The following DIP2C variants were observed in gnomAD, a reference collection of about 807,000 sequenced individuals.
The protein encoded by DIP2C is DIP2 acetate--CoA ligase C (putative), also known as disco-interacting protein 2 homolog C.
In DIP2C, 33 loss-of-function variants were observed where a neutral mutation model predicts 192.4. The observed-to-expected ratio is 0.17, with a 90% CI of 0.13 to 0.23. The LOEUF (loss-of-function observed/expected upper bound fraction) is 0.23, where lower values mean the gene tolerates loss of function less well. DIP2C is among the 10% of genes least tolerant of loss of function. DIP2C has a pLI of 1.00. For synonymous variants in DIP2C, 979 were observed against 864.1 expected (o/e 1.13, Z -2.33); for missense variants, 1,537 against 2,110.1 (o/e 0.73, Z 5.32).
At chr10:592,635 C>G (rs1027670161) in intron 1 of DIP2C, among the ~76,000 whole-genome samples, 4 of 152,048 alleles carry the variant, frequency 2.6e-5, no homozygotes, top group Non-Finnish European at 2.9e-5. Flanking sequence ...AATTAGCAAC[C>G]CTGTTTGGAG....
In DIP2C at chr10:483,999, G is replaced by A. The variant is rs142267576; in HGVS notation, c.157+2460C>T. Among the ~76,000 whole-genome samples, 704 of 152,030 alleles carry A rather than the reference G, an allele frequency of 4.6e-3. 6 individuals carry two copies. The highest frequency in any genetic ancestry group is 0.016 in the African/African-American group (676 of 41,486). On this transcript the variant is annotated intron_variant, in intron 2 of 36. Coordinates refer to ENST00000280886, the MANE Select transcript of DIP2C (RefSeq NM_014974.3). ...GCCTAATTTTTTCTTTTGTAGAGAC[G>A]GGGACTCCCTTTGTTGCCCAGGCTG... is the stretch of plus-strand genomic sequence containing the variant.
At chr10:390,911 C>G in intron 10 of DIP2C, 48 bp from the exon 11 acceptor site, 1 of 1,602,328 alleles carries the variant, frequency 6.2e-7, no homozygotes, top group Non-Finnish European at 8.5e-7. Flanking sequence ...CTGCCCCACT[C>G]CGCCCAGCCT....
At chr10:524,386 G>A (rs1041945259) in intron 1 of DIP2C, among the ~76,000 whole-genome samples, 5 of 152,188 alleles carry the variant, frequency 3.3e-5, no homozygotes, top group African/African-American at 1.2e-4. Context: ...TGGTCATCAA[G>A]TAAAATCAGT....
At chr10:604,776 G>A (rs548840068) in intron 1 of DIP2C, among the ~76,000 whole-genome samples, 12 of 152,196 alleles carry the variant, frequency 7.9e-5, no homozygotes, top group Non-Finnish European at 1.5e-4. Context: ...TTAATTTAGG[G>A]GGTTTGCCTA....
intron 1 of DIP2C, among the ~76,000 whole-genome samples, chr10:515,208 T>C (rs1006011731): frequency 5.3e-5 from 8 of 152,174 alleles, no homozygotes; most frequent in African/African-American, 9.7e-5. Context: ...TTGTCCATAA[T>C]TGTCAAAAGA....
At chr10:302,678 G>T (rs1198561649) in intron 32 of DIP2C, among the ~76,000 whole-genome samples, 3 of 152,198 alleles carry the variant, frequency 2.0e-5, no homozygotes, top group Admixed American at 2.0e-4. Context: ...GTACGGCCAA[G>T]TGCTCCCGGG....
intron 4 of DIP2C, among the ~76,000 whole-genome samples, chr10:423,867 C>T (rs1032871358): frequency 5.3e-5 from 8 of 152,196 alleles, no homozygotes; most frequent in Admixed American, 2.6e-4. Context: ...ACCTTCATCA[C>T]GTCACATTTT....
intron 1 of DIP2C, among the ~76,000 whole-genome samples, chr10:629,425 T>C (rs934194225): frequency 3.9e-5 from 6 of 152,152 alleles, no homozygotes; most frequent in African/African-American, 1.4e-4. Context: ...GAATGGGAAG[T>C]AGATACCCCA....
rs577982886 is a variant in DIP2C, at chr10:485,856, G to C, written c.157+603C>G. Among the ~76,000 whole-genome samples, 120 of 152,310 alleles carry C rather than the reference G, an allele frequency of 7.9e-4. 3 individuals are homozygous for C. In the South Asian group the frequency reaches 0.025, roughly 31 times the overall value. On this transcript the variant is annotated intron_variant, in intron 2 of 36. Coordinates refer to ENST00000280886, the MANE Select transcript of DIP2C (RefSeq NM_014974.3). Reference sequence around the variant, plus strand: ...TGGGCTGAATTGAGCTTGCCAGCTGGGAACTGAGGTGCTAGAATCCCCATC... The same window carrying C: ...TGGGCTGAATTGAGCTTGCCAGCTGCGAACTGAGGTGCTAGAATCCCCATC...
At chr10:405,436 A>G (rs559694967) in intron 9 of DIP2C, among the ~76,000 whole-genome samples, 4 of 152,362 alleles carry the variant, frequency 2.6e-5, no homozygotes, top group Non-Finnish European at 4.4e-5. Flanking sequence ...TACACACACA[A>G]CAATACAAGT....
intron 1 of DIP2C, among the ~76,000 whole-genome samples, chr10:533,916 C>G (rs1847554143): frequency 6.6e-6 from 1 of 151,998 alleles, no homozygotes; most frequent in South Asian, 2.1e-4. Context: ...GAAGCATTCT[C>G]TCCTGCAGGT....
intron 34 of DIP2C, among the ~76,000 whole-genome samples, chr10:285,504 C>T (rs560255866): frequency 1.3e-5 from 2 of 152,332 alleles, no homozygotes; most frequent in Admixed American, 6.5e-5. Context: ...CGTGCTGCCA[C>T]CGTGGGAGGA....
At chr10:616,114 C>G (rs895609226) in intron 1 of DIP2C, among the ~76,000 whole-genome samples, 1 of 152,162 alleles carries the variant, frequency 6.6e-6, no homozygotes, top group African/African-American at 2.4e-5. Context: ...CCAGGTCATC[C>G]CTCAGTCACA....
Position 557,567 on chromosome 10 carries a change from C to T in DIP2C, c.86-71037G>A, listed in dbSNP as rs145244389. ...AAGGCTGCCAGGACCCCCTTTTCTT[C>T]ACAAAGTCGTTACAAGCTCACAATA... On this transcript the variant is annotated intron_variant, in intron 1 of 36. Coordinates refer to ENST00000280886, the MANE Select transcript of DIP2C (RefSeq NM_014974.3). Among the ~76,000 whole-genome samples, 693 of 148,508 alleles carry T rather than the reference C, an allele frequency of 4.7e-3. 2 individuals are homozygous for T. Among genetic ancestry groups the T allele is most frequent in the Non-Finnish European group, 7.6e-3 (509 of 67,346 alleles).
chr10:374,686 C>CA (rs1961362372), intron 17 of DIP2C, among the ~76,000 whole-genome samples: 1 of 152,190 alleles, frequency 6.6e-6, no homozygotes, highest in Admixed American at 6.5e-5. Flanking sequence ...TTTGTTGGTC[C>CA]AATTTGTGTT....
At chr10:481,477 T>C (rs1843603706) in intron 2 of DIP2C, among the ~76,000 whole-genome samples, 1 of 152,086 alleles carries the variant, frequency 6.6e-6, no homozygotes. Context: ...CATGAGAACA[T>C]GTGATCCAGT....
chr10:639,669 G>A (rs930537222), intron 1 of DIP2C, among the ~76,000 whole-genome samples: 1 of 152,250 alleles, frequency 6.6e-6, no homozygotes, highest in Non-Finnish European at 1.5e-5. Context: ...TGACAACGAA[G>A]CATTCTCATT....
chr10:291,145 G>T (rs1158271779), intron 32 of DIP2C, among the ~76,000 whole-genome samples: 1 of 152,338 alleles, frequency 6.6e-6, no homozygotes, highest in Admixed American at 6.5e-5. Context: ...CTCTGGGCAG[G>T]TGTGTGCTGG....
In DIP2C at chr10:542,524, C is replaced by A. The variant is rs185803929; in HGVS notation, c.86-55994G>T. Among the ~76,000 whole-genome samples, 324 of 152,332 alleles carry A rather than the reference C, an allele frequency of 2.1e-3. 3 individuals carry two copies. The highest frequency in any genetic ancestry group is 0.017 in the Admixed American group (260 of 15,304). The stretch of plus-strand genomic sequence containing the variant: ...TTCCCCAGCCACTACGGCCGACAGC[C>A]CAGGCTCCAGAAATGCACAGCTTCA... On this transcript the variant is annotated intron_variant, in intron 1 of 36. Transcript: ENST00000280886.
Sources: allele counts gnomAD v4.1 joint callset (sites outside exome capture counted in the v4.1 genomes callset), GRCh38; gene constraint gnomAD v4.1.1; transcripts MANE v1.5; gene names NCBI Gene and HGNC (gene_info 2026-07-23, HGNC 2026-07-21).